LARGE1: variants seen among roughly 807,000 people sequenced by gnomAD.
LARGE1 encodes LARGE xylosyl- and glucuronyltransferase 1, also known as xylosyl- and glucuronyltransferase LARGE1.
In LARGE1, 43 loss-of-function variants were observed where a neutral mutation model predicts 87.6. That is an observed-to-expected ratio of 0.49 (90% CI 0.38 to 0.63). The LOEUF is 0.63. Ranked by LOEUF, LARGE1 falls within the 30% of genes least tolerant of loss-of-function variation. LARGE1 has a pLI of 0.00. For missense variants in LARGE1, 802 were observed against 1,000.2 expected, an observed-to-expected ratio of 0.80 and a Z score of 2.67; for synonymous variants, 434 against 394.6, an observed-to-expected ratio of 1.10 and a Z score of -1.18.
intron 1 of LARGE1, among the ~76,000 whole-genome samples, chr22:33,794,940 G>A (rs1227473269): frequency 6.6e-6 from 1 of 152,156 alleles, no homozygotes; most frequent in Admixed American, 6.5e-5. Context: ...ACAATTTCAA[G>A]AGTAAAAAGG....
chr22:33,246,381 C>T (rs982733997), intron 11 of LARGE1, among the ~76,000 whole-genome samples: 1 of 152,154 alleles, frequency 6.6e-6, no homozygotes, highest in East Asian at 1.9e-4. Flanking sequence ...CGCGGTGGCT[C>T]ACCCCTTTAA....
At chr22:33,249,337 T>A (rs991171712) in intron 11 of LARGE1, among the ~76,000 whole-genome samples, 4 of 152,236 alleles carry the variant, frequency 2.6e-5, no homozygotes, top group Non-Finnish European at 5.9e-5. Flanking sequence ...CATCTGCATA[T>A]CTTTGGTGAG....
chr22:33,688,644 C>A lies in LARGE1; in HGVS notation c.107-37976G>T, dbSNP rs983259445. Among the ~76,000 whole-genome samples the A allele has an allele frequency of 2.0e-5, 3 of 152,122 alleles. No homozygotes were observed. The East Asian group carries it at 5.8e-4, about 29-fold the overall frequency. Reference sequence around the variant, plus strand: ...GGGATTATAGGTGTGAGCCACCGCACCCGGCCCTGCATTGTTTTGAACTCA... The same window carrying A: ...GGGATTATAGGTGTGAGCCACCGCAACCGGCCCTGCATTGTTTTGAACTCA... On this transcript the variant is annotated intron_variant, in intron 2 of 14. Coordinates refer to ENST00000397394, the MANE Select transcript of LARGE1 (RefSeq NM_133642.5).
intron 4 of LARGE1, among the ~76,000 whole-genome samples, chr22:33,614,121 T>G (rs2079516692): frequency 6.6e-6 from 1 of 152,204 alleles, no homozygotes; most frequent in Non-Finnish European, 1.5e-5. Context: ...GAACAAATGT[T>G]GAACCTTGGG....
At chr22:33,342,028 A>T (rs1483380036) in intron 9 of LARGE1, among the ~76,000 whole-genome samples, 2 of 152,116 alleles carry the variant, frequency 1.3e-5, no homozygotes, top group Non-Finnish European at 2.9e-5. Context: ...CATTTCAGGG[A>T]CGTATGAGTG....
the LARGE1 span, among the ~76,000 whole-genome samples, chr22:33,138,466 CAG>C: frequency 2.0e-5 from 3 of 149,046 alleles, no homozygotes; most frequent in Non-Finnish European, 4.4e-5. Context: ...TTTTTTGAGA[CAG>C]AGTCTCACTC....
intron 11 of LARGE1, among the ~76,000 whole-genome samples, chr22:33,254,273 C>T (rs5749589): frequency 0.75 from 113,626 of 152,014 alleles, 42,771 homozygotes; most frequent in Admixed American, 0.8. Context: ...TGTGACTGGA[C>T]TGGGGAGCAT....
At chr22:33,434,990 G>C (rs1256987194) in intron 6 of LARGE1, among the ~76,000 whole-genome samples, 4 of 152,002 alleles carry the variant, frequency 2.6e-5, no homozygotes, top group Non-Finnish European at 5.9e-5. Context: ...ACTGTTTTTT[G>C]TTTGTTTGTT....
At chr22:33,684,534 A>T (rs2081886503) in intron 2 of LARGE1, among the ~76,000 whole-genome samples, 2 of 152,134 alleles carry the variant, frequency 1.3e-5, no homozygotes, top group Admixed American at 6.5e-5. Context: ...CTGCCTATTA[A>T]CAAAGGGATG....
intron 1 of LARGE1, among the ~76,000 whole-genome samples, chr22:33,829,384 T>C (rs1390204996): frequency 6.6e-6 from 1 of 152,000 alleles, no homozygotes. Context: ...CCCACTACCA[T>C]TAAACTGCCA....
At chr22:33,450,013 G>A (rs935160032) in intron 6 of LARGE1, among the ~76,000 whole-genome samples, 4 of 151,976 alleles carry the variant, frequency 2.6e-5, no homozygotes, top group African/African-American at 9.7e-5. Flanking sequence ...TTGGGTTCAA[G>A]TGATTCTACT....
At chr22:33,258,095 C>G (rs1336213049) in intron 11 of LARGE1, among the ~76,000 whole-genome samples, 2 of 152,142 alleles carry the variant, frequency 1.3e-5, no homozygotes, top group Non-Finnish European at 2.9e-5. Flanking sequence ...GTGATACGAT[C>G]TTGGCTTACT....
intron 2 of LARGE1, among the ~76,000 whole-genome samples, chr22:33,739,149 T>C (rs1295776177): frequency 6.6e-6 from 1 of 152,120 alleles, no homozygotes; most frequent in Admixed American, 6.5e-5. Flanking sequence ...AGAGATACCA[T>C]GTGTCCTTTA....
intron 2 of LARGE1, among the ~76,000 whole-genome samples, chr22:33,730,618 G>A (rs894095202): frequency 5.3e-5 from 8 of 152,158 alleles, no homozygotes; most frequent in Non-Finnish European, 1.0e-4. Context: ...AAGTGGTAAG[G>A]AGAAAAATTA....
At chr22:33,556,592 C>CAGGCAGGTAGGG (rs1201128294) in intron 6 of LARGE1, among the ~76,000 whole-genome samples, 1 of 49,276 alleles carries the variant, frequency 2.0e-5, no homozygotes, top group Admixed American at 2.5e-4. Context: ...GGCAGGAAGG[C>CAGGCAGGTAGGG]AGGCAGGTAG....
chr22:33,735,773 A>G (rs983950767), intron 2 of LARGE1, among the ~76,000 whole-genome samples: 1 of 152,154 alleles, frequency 6.6e-6, no homozygotes, highest in African/African-American at 2.4e-5. Flanking sequence ...CACCCAGAAA[A>G]CAAACCCCAA....
chr22:33,303,457 C>T (rs937991888), intron 12 of LARGE1, among the ~76,000 whole-genome samples: 3 of 152,166 alleles, frequency 2.0e-5, no homozygotes, highest in African/African-American at 7.2e-5. Flanking sequence ...TGAGATCCTA[C>T]CTCTCAAGCA....
At chr22:33,107,750 C>A in the LARGE1 span, among the ~76,000 whole-genome samples, 1 of 152,082 alleles carries the variant, frequency 6.6e-6, no homozygotes, top group Non-Finnish European at 1.5e-5. Flanking sequence ...TACCAGTTGA[C>A]CTAGCTACTA....
chr22:33,286,936 C>A (rs1306858817), intron 12 of LARGE1, among the ~76,000 whole-genome samples: 1 of 152,186 alleles, frequency 6.6e-6, no homozygotes, highest in Non-Finnish European at 1.5e-5. Flanking sequence ...GCCCTACCTG[C>A]ACCCCTGGCA....
Sources: allele counts gnomAD v4.1 joint callset (sites outside exome capture counted in the v4.1 genomes callset), GRCh38; gene constraint gnomAD v4.1.1; transcripts MANE v1.5; gene names NCBI Gene and HGNC (gene_info 2026-07-23, HGNC 2026-07-21).